Variants in SDC2 observed in about 807,000 individuals in gnomAD.
SDC2 encodes the protein syndecan 2.
SDC2 carries 13 observed loss-of-function variants against 22.2 expected under a neutral mutation model. The ratio of observed to expected loss-of-function variants is 0.59; its 90% CI spans 0.38 to 0.93. SDC2 has a LOEUF of 0.93. SDC2 is among the 40% of genes least tolerant of loss of function. The pLI is 0.00. For missense variants in SDC2, 235 were observed against 246.8 expected, an observed-to-expected ratio of 0.95 and a Z score of 0.32; for synonymous variants, 94 against 92.8, an observed-to-expected ratio of 1.01 and a Z score of -0.07.
intron 1 of SDC2, among the ~76,000 whole-genome samples, chr8:96,540,354 A>ATATATATATATATATATATATC (rs1813827073): frequency 6.8e-6 from 1 of 147,820 alleles, no homozygotes; most frequent in Non-Finnish European, 1.5e-5. Flanking sequence ...ATATATATAT[A>ATATATATATATATATATATATC]TAAAAATTAG....
At chr8:96,555,036 T>G (rs1293027196) in intron 1 of SDC2, among the ~76,000 whole-genome samples, 2 of 152,032 alleles carry the variant, frequency 1.3e-5, no homozygotes, top group African/African-American at 4.8e-5. Flanking sequence ...TCCTCCCACC[T>G]TCCCCACTGT....
At chr8:96,553,391 G>A (rs1385966242) in intron 1 of SDC2, among the ~76,000 whole-genome samples, 1 of 151,190 alleles carries the variant, frequency 6.6e-6, no homozygotes, top group Non-Finnish European at 1.5e-5. Context: ...ACAGCATATT[G>A]TAAGTATAAA....
chr8:96,574,511 T>C (rs1011273554), intron 1 of SDC2, among the ~76,000 whole-genome samples: 12 of 152,338 alleles, frequency 7.9e-5, no homozygotes, highest in African/African-American at 2.9e-4. Flanking sequence ...CAGAAGTAAC[T>C]GCCCTTCCCC....
At chr8:96,523,780 G>A (rs1273340551) in intron 1 of SDC2, among the ~76,000 whole-genome samples, 3 of 152,160 alleles carry the variant, frequency 2.0e-5, no homozygotes, top group African/African-American at 4.8e-5. Flanking sequence ...AAAAAAAGAC[G>A]CGGATTTTTT....
intron 1 of SDC2, among the ~76,000 whole-genome samples, chr8:96,568,374 A>G (rs1362381875): frequency 2.6e-5 from 4 of 152,260 alleles, no homozygotes; most frequent in Non-Finnish European, 4.4e-5. Context: ...TACTTTTAAC[A>G]CATAACCATA....
chr8:96,503,341 A>T (rs1813193701), intron 1 of SDC2, among the ~76,000 whole-genome samples: 1 of 152,258 alleles, frequency 6.6e-6, no homozygotes, highest in Non-Finnish European at 1.5e-5. Context: ...TCTAATTTAG[A>T]CACTGAATAT....
chr8:96,580,523 A>G lies in SDC2; in HGVS notation c.61-12957A>G, dbSNP rs1467323418. On this transcript the variant is annotated intron_variant, in intron 1 of 4. Transcript: ENST00000302190. ...CATGACTACAGACTCATCTTATACC[A>G]ATTAAATAATAAACTCCACTCTGTG... 3.0e-6 allele frequency: 3 copies of G among 985,202 alleles called. No homozygotes were observed. The East Asian group carries it at 3.4e-4, about 112-fold the overall frequency. The allele number at this position is 985,202 out of a possible 1,614,324, so 61.0% of individuals were successfully genotyped here.
chr8:96,587,486 TA>T (rs1814706347), intron 1 of SDC2, among the ~76,000 whole-genome samples: 1 of 152,218 alleles, frequency 6.6e-6, no homozygotes, highest in Non-Finnish European at 1.5e-5. Context: ...TTTCCCACAG[TA>T]AACAAAGGGC....
rs1166338121 is a variant in SDC2 at position 96,611,739 on chromosome 8, G to A, written c.*2191G>A. 1 of 152,420 alleles carries A rather than the reference G, an allele frequency of 6.6e-6. No individual in the cohort carries two copies. Among genetic ancestry groups the A allele is most frequent in the African/African-American group, 2.4e-5 (1 of 41,396 alleles). 9.4% of individuals were successfully genotyped at this position (152,420 alleles called of 1,614,324 possible). On this transcript the variant is annotated 3_prime_UTR_variant, in exon 5 of 5. Transcript: ENST00000302190. ...GCTGTAAAGCAAAATATTTGTGAAAGTGCCAAAATAAAGTCTGTCATGCCA... is the reference window on the plus strand; with the variant it reads ...GCTGTAAAGCAAAATATTTGTGAAAATGCCAAAATAAAGTCTGTCATGCCA...
At chr8:96,573,382 T>C (rs1814433396) in intron 1 of SDC2, among the ~76,000 whole-genome samples, 1 of 152,128 alleles carries the variant, frequency 6.6e-6, no homozygotes, top group Non-Finnish European at 1.5e-5. Context: ...ACACTTCATG[T>C]GTGGGTGATG....
At chr8:96,513,645 TATC>T (rs1164558378) in intron 1 of SDC2, among the ~76,000 whole-genome samples, 3 of 152,244 alleles carry the variant, frequency 2.0e-5, no homozygotes, top group African/African-American at 7.2e-5. Context: ...CTTTTGGTAG[TATC>T]ATCATCTAAT....
In SDC2 at chr8:96,494,217, C is replaced by T; in HGVS notation, c.-55C>T. 3 of 1,514,838 alleles carry T rather than the reference C, an allele frequency of 2.0e-6. No individual in the cohort carries two copies. The highest frequency in any genetic ancestry group is 2.7e-6 in the Non-Finnish European group (3 of 1,125,636). 93.8% of individuals were successfully genotyped at this position (1,514,838 alleles called of 1,614,324 possible). On this transcript the variant is annotated 5_prime_UTR_variant, in exon 1 of 5. Transcript: ENST00000302190. Reference sequence around the variant, plus strand: ...GCTGCGCCGAGCGCTGGGCAGGAGGCTTCGTTTTGCCCTGGTTGCAAGCAG... The same window carrying T: ...GCTGCGCCGAGCGCTGGGCAGGAGGTTTCGTTTTGCCCTGGTTGCAAGCAG...
chr8:96,531,933 C>T (rs966679414), intron 1 of SDC2, among the ~76,000 whole-genome samples: 3 of 152,138 alleles, frequency 2.0e-5, no homozygotes, highest in Middle Eastern at 3.2e-3. Context: ...CAGTTTATGG[C>T]GCTAGGTTTG....
chr8:96,498,027 T>C (rs1316869170), intron 1 of SDC2, among the ~76,000 whole-genome samples: 1 of 152,230 alleles, frequency 6.6e-6, no homozygotes, highest in Non-Finnish European at 1.5e-5. Flanking sequence ...AATCTACTCT[T>C]ATTTAACTTT....
intron 1 of SDC2, among the ~76,000 whole-genome samples, chr8:96,577,889 C>G (rs370377841): frequency 2.0e-4 from 30 of 152,134 alleles, no homozygotes; most frequent in African/African-American, 6.5e-4. Context: ...TTTTAAGTTC[C>G]TTCATGTCTT....
intron 1 of SDC2, among the ~76,000 whole-genome samples, chr8:96,565,084 A>ATTTTTTTTTTTTTTTTTGTTTTTTTTTT (rs11304418): frequency 1.5e-5 from 1 of 67,800 alleles, no homozygotes; most frequent in Non-Finnish European, 2.9e-5. Flanking sequence ...CCTAAATTTG[A>ATTTTTTTTTTTTTTTTTGTTTTTTTTTT]TTTTTTTTTT....
chr8:96,601,316 G>A (rs1814978883), intron 2 of SDC2, among the ~76,000 whole-genome samples: 1 of 152,052 alleles, frequency 6.6e-6, no homozygotes, highest in Non-Finnish European at 1.5e-5. Flanking sequence ...GACCTAGTGA[G>A]TATCCACCCC....
At chr8:96,527,586 C>T (rs919101164) in intron 1 of SDC2, among the ~76,000 whole-genome samples, 24 of 152,164 alleles carry the variant, frequency 1.6e-4, no homozygotes, top group African/African-American at 4.1e-4. Context: ...AGGGCCTCTT[C>T]GTGCAGGCTG....
chr8:96,527,516 G>A (rs1459105872), intron 1 of SDC2, among the ~76,000 whole-genome samples: 1 of 152,148 alleles, frequency 6.6e-6, no homozygotes, highest in East Asian at 1.9e-4. Context: ...GTGCCGTACT[G>A]CTGTGGCACA....
Sources: gnomAD v4.1 joint callset for allele counts (sites outside exome capture counted in the v4.1 genomes callset) on GRCh38, gnomAD v4.1.1 for gene constraint, MANE v1.5 for transcripts, NCBI Gene and HGNC (gene_info 2026-07-23, HGNC 2026-07-21) for gene names.